HPS6: variants seen among roughly 807,000 people sequenced by gnomAD.
The protein encoded by HPS6 is HPS6 biogenesis of lysosomal organelles complex 2 subunit 3.
Under a neutral mutation model 53.6 loss-of-function variants are expected in HPS6, and 46 were observed. The ratio of observed to expected loss-of-function variants is 0.86; its 90% confidence interval spans 0.68 to 1.10. The LOEUF (loss-of-function observed/expected upper bound fraction) is 1.10. HPS6 is among the 50% of genes least tolerant of loss of function. The probability of loss-of-function intolerance (pLI) is 0.00; values close to 1 mark genes in which losing one functional copy is unlikely to be tolerated. For missense variants in HPS6, 1,034 were observed against 991.3 expected (o/e 1.04, Z -0.58); for synonymous variants, 535 against 470.8 (o/e 1.14, Z -1.77).
At position 102,065,981 on chromosome 10, in the gene HPS6, G is replaced by T; in HGVS notation, c.507G>T (p.Glu169Asp). The change falls in exon 1 of 1, where the codon GAG becomes GAT. Residue 169 changes from glutamate to aspartate, a missense_variant. Glu to Asp is a conservative substitution (Grantham distance 45). Coordinates refer to ENST00000299238, the MANE Select transcript of HPS6 (RefSeq NM_024747.6). ...FSHCVCVRTL[E>D]PSGEASTSLG... ...ACTGTGTGTGCGTCCGGACTCTGGA[G>T]CCCAGCGGGGAAGCTAGCACCAGCC... is the stretch of plus-strand genomic sequence containing the variant. The T allele has an allele frequency of 6.3e-7, 1 of 1,599,640 alleles. No individual in the cohort carries two copies. Among genetic ancestry groups the T allele is most frequent in the Non-Finnish European group, 8.5e-7 (1 of 1,179,628 alleles).
Position 102,067,380 on chromosome 10 carries a change from G to T in HPS6, c.1906G>T (p.Val636Leu). Reference sequence around the variant, plus strand: ...CTTGAGCAGTGGGCGGCCTAAAGCTGTGCTCCAAGCTGTCGGGCAGCTGGT... The same window carrying T: ...CTTGAGCAGTGGGCGGCCTAAAGCTTTGCTCCAAGCTGTCGGGCAGCTGGT... ...LLLSSGRPKA[V>L]LQAVGQLVQK... Residue 636 changes from valine to leucine, a missense_variant, in exon 1 of 1, where the codon GTG becomes TTG. By Grantham distance (32) the Val-to-Leu change is conservative. Coordinates refer to ENST00000299238, the MANE Select transcript of HPS6 (RefSeq NM_024747.6). 1 of 1,612,980 alleles carries T rather than the reference G, an allele frequency of 6.2e-7. No homozygotes were observed.
rs534368624 is a variant in HPS6, at chr10:102,067,142, A to C, written c.1668A>C (p.Glu556Asp). Reference protein sequence around the residue: ...KVLGGITAGKEPPNGILPPFE... With the variant: ...KVLGGITAGKDPPNGILPPFE... ...TAGGGGGAATAACCGCTGGAAAGGA[A>C]CCCCCCAATGGAATACTGCCCCCCT... Residue 556 changes from glutamate to aspartate, a missense_variant, in exon 1 of 1, where the codon GAA becomes GAC. Transcript: ENST00000299238. The C allele has an allele frequency of 8.1e-6, 13 of 1,613,470 alleles. No individual in the cohort carries two copies. The East Asian group carries it at 2.9e-4, about 36-fold the overall frequency.
At position 102,067,312 on chromosome 10, in the gene HPS6, G is replaced by A. The variant is rs1300747308; in HGVS notation, c.1838G>A (p.Gly613Asp). ...TATCGCCGAGCTCTGGCAGTGCTAGGTGAGGAGGGGACCAGGCCTGAGGCT... is the reference window on the plus strand; with the variant it reads ...TATCGCCGAGCTCTGGCAGTGCTAGATGAGGAGGGGACCAGGCCTGAGGCT... ...PLYRRALAVL[G>D]EEGTRPEALE... Residue 613 changes from glycine (G) to aspartate (D), a missense_variant, in exon 1 of 1, where the codon GGT becomes GAT. Physicochemically the swap from Gly to Asp is moderately conservative, Grantham distance 94. Coordinates refer to ENST00000299238, the MANE Select transcript of HPS6 (RefSeq NM_024747.6). 6.2e-7 allele frequency: 1 copy of A among 1,613,206 alleles called. No homozygotes were observed. The highest frequency in any genetic ancestry group is 8.5e-7 in the Non-Finnish European group (1 of 1,179,876).
At position 102,067,806 on chromosome 10, in the gene HPS6, C is replaced by CAGGCATCAGATG; in HGVS notation, c.*4_*5insAGGCATCAGATG. On this transcript the variant is annotated 3_prime_UTR_variant, in exon 1 of 1. Coordinates refer to ENST00000299238, the MANE Select transcript of HPS6 (RefSeq NM_024747.6). ...GACTCCACCTCGGGACCTATGACTACCCTTCAGGCATCAGAACACTCAGGG... is the reference window on the plus strand; with the variant it reads ...GACTCCACCTCGGGACCTATGACTACAGGCATCAGATGCCTTCAGGCATCAGAACACTCAGGG... 6.2e-7 allele frequency: 1 copy of CAGGCATCAGATG among 1,613,058 alleles called. No homozygotes were observed. Among genetic ancestry groups the CAGGCATCAGATG allele is most frequent in the East Asian group, 2.2e-5 (1 of 44,880 alleles).
Position 102,067,095 on chromosome 10 carries a change from C to G in HPS6, c.1621C>G (p.Pro541Ala), listed in dbSNP as rs2067977239. The G allele has an allele frequency of 2.5e-6, 4 of 1,614,176 alleles. No homozygotes were observed. The highest frequency in any genetic ancestry group is 2.5e-6 in the Non-Finnish European group (3 of 1,180,034). Residue 541 changes from proline (P) to alanine (A), a missense_variant, in exon 1 of 1, where the codon CCT (proline) becomes GCT (alanine). By Grantham distance (27) the Pro-to-Ala change is conservative (BLOSUM62 -1). Transcript: ENST00000299238. ...GNGKLRSQAP[P>A]DVWKKVLGGI... Reference sequence around the variant, plus strand: ...TGGCAAGCTGAGGTCCCAAGCACCCCCTGATGTGTGGAAGAAAGTGTTAGG... The same window carrying G: ...TGGCAAGCTGAGGTCCCAAGCACCCGCTGATGTGTGGAAGAAAGTGTTAGG...
Position 102,066,589 on chromosome 10 carries a change from G to T in HPS6, c.1115G>T (p.Arg372Leu), listed in dbSNP as rs1323195795. The T allele has an allele frequency of 6.2e-7, 1 of 1,614,004 alleles. No individual in the cohort carries two copies. Among genetic ancestry groups the T allele is most frequent in the Admixed American group, 1.7e-5 (1 of 60,010 alleles). ...GAGGATGAGGAAGAGCTGGAGACCCGAGGGAATCTTCGTCTGCTTTCAGCC... is the reference window on the plus strand; with the variant it reads ...GAGGATGAGGAAGAGCTGGAGACCCTAGGGAATCTTCGTCTGCTTTCAGCC... ...GMEDEEELET[R>L]GNLRLLSALG... The change falls in exon 1 of 1, where the codon CGA becomes CTA. Residue 372 changes from arginine to leucine, a missense_variant. Coordinates refer to ENST00000299238, the MANE Select transcript of HPS6 (RefSeq NM_024747.6).
In HPS6 at chr10:102,067,786, C is replaced by G. The variant is rs1280293957; in HGVS notation, c.2312C>G (p.Pro771Arg). ...LWDPSTPPPT[P>R]PRDL ...GACCCCAGCACTCCACCCCCGACTC[C>G]ACCTCGGGACCTATGACTACCCTTC... is the stretch of plus-strand genomic sequence containing the variant. Residue 771 changes from proline to arginine, a missense_variant, in exon 1 of 1, where the codon CCA (proline) becomes CGA (arginine). Pro to Arg is a moderately radical substitution (Grantham distance 103, BLOSUM62 -2). Coordinates refer to ENST00000299238, the MANE Select transcript of HPS6 (RefSeq NM_024747.6). 6.8e-6 allele frequency: 11 copies of G among 1,612,958 alleles called. No homozygotes were observed. Among genetic ancestry groups the G allele is most frequent in the Non-Finnish European group, 9.3e-6 (11 of 1,180,032 alleles).
chr10:102,067,053 C>G lies in HPS6; in HGVS notation c.1579C>G (p.Leu527Val), dbSNP rs1182778112. 2.5e-6 allele frequency: 4 copies of G among 1,614,204 alleles called. No homozygotes were observed. The South Asian group carries it at 4.4e-5, about 18-fold the overall frequency. Residue 527 changes from leucine to valine, a missense_variant, in exon 1 of 1, where the codon CTC becomes GTC. Transcript: ENST00000299238. ...GGGTGCCACCCTCAGGGCCCTGCAG[C>G]TCCAGCTAGATGGGAATGGCAAGCT... ...AWGATLRALQ[L>V]QLDGNGKLRS...
rs746271954 is a variant in HPS6 at position 102,065,566 on chromosome 10, CGGTCCGAGT to C, written c.93_101del (p.Val32_Val34del). 1 of 1,546,734 alleles carries C rather than the reference CGGTCCGAGT, an allele frequency of 6.5e-7. No individual in the cohort carries two copies. The highest frequency in any genetic ancestry group is 8.6e-7 in the Non-Finnish European group (1 of 1,158,318). ...CGGGAGCTGGTGGCCGGGGACTCAG[CGGTCCGAGT>C]CCGTGGCAGTCCGGACGGCCGCCAC... On this transcript the variant is annotated inframe_deletion, in exon 1 of 1. Transcript: ENST00000299238.
chr10:102,065,852 C>A lies in HPS6; in HGVS notation c.378C>A (p.Ala126=). 1 of 1,522,232 alleles carries A rather than the reference C, an allele frequency of 6.6e-7. No homozygotes were observed. The highest frequency in any genetic ancestry group is 1.4e-5 in the African/African-American group (1 of 72,802). The allele number at this position is 1,522,232 out of a possible 1,614,324, so 94.3% of individuals were successfully genotyped here. The change falls in exon 1 of 1, where the codon GCC becomes GCA. Residue 126 remains alanine (A), a synonymous_variant. Coordinates refer to ENST00000299238, the MANE Select transcript of HPS6 (RefSeq NM_024747.6). The part of the protein sequence containing the change: ...QSTELCPGGG[A]RVVAVAALRG... Reference sequence around the variant, plus strand: ...CCGAGCTGTGTCCGGGCGGGGGAGCCCGCGTTGTGGCAGTGGCGGCGCTCC... The same window carrying A: ...CCGAGCTGTGTCCGGGCGGGGGAGCACGCGTTGTGGCAGTGGCGGCGCTCC...
chr10:102,066,489 A>AT lies in HPS6; in HGVS notation c.1015_1016insT (p.Ser339MetfsTer28). The AT allele has an allele frequency of 6.2e-7, 1 of 1,614,180 alleles. No homozygotes were observed. Among genetic ancestry groups the AT allele is most frequent in the Non-Finnish European group, 8.5e-7 (1 of 1,180,020 alleles). ...CACATTGGAACTGCTGGACATGGGC[A>AT]GTGGGCAGCTGCTGGAGAGGAAGGT... On this transcript the variant is annotated frameshift_variant, in exon 1 of 1. Transcript: ENST00000299238. LOFTEE classifies it high-confidence loss of function.
Position 102,067,024 on chromosome 10 carries a change from C to T in HPS6, c.1550C>T (p.Ala517Val). The change falls in exon 1 of 1, where the codon GCC (alanine) becomes GTC (valine). Residue 517 changes from alanine to valine, a missense_variant. Physicochemically the swap from Ala to Val is moderately conservative, Grantham distance 64. Transcript: ENST00000299238. ...GTTTTCCAAGCCCTTCCTACAGCAG[C>T]CTGGGGTGCCACCCTCAGGGCCCTG... ...NTVFQALPTA[A>V]WGATLRALQL... 1.2e-6 allele frequency: 2 copies of T among 1,614,182 alleles called. No homozygotes were observed. Among genetic ancestry groups the T allele is most frequent in the South Asian group, 2.2e-5 (2 of 91,086 alleles).
chr10:102,067,646 G>T lies in HPS6; in HGVS notation c.2172G>T (p.Glu724Asp). ...DEVGPPTPFP[E>D]PGAEPPLTVG... ...TGGGGCCCCCAACCCCATTCCCTGAGCCTGGAGCAGAGCCCCCTCTCACTG... is the reference window on the plus strand; with the variant it reads ...TGGGGCCCCCAACCCCATTCCCTGATCCTGGAGCAGAGCCCCCTCTCACTG... Residue 724 changes from glutamate (E) to aspartate (D), a missense_variant, in exon 1 of 1, where the codon GAG (glutamate) becomes GAT (aspartate). Glu to Asp is a conservative substitution (Grantham distance 45). Transcript: ENST00000299238. 1 of 1,613,918 alleles carries T rather than the reference G, an allele frequency of 6.2e-7. No homozygotes were observed. Among genetic ancestry groups the T allele is most frequent in the Admixed American group, 1.7e-5 (1 of 60,018 alleles).
chr10:102,066,014 C>T lies in HPS6; in HGVS notation c.540C>T (p.Arg180=), dbSNP rs149575853. 28 of 1,604,912 alleles carry T rather than the reference C, an allele frequency of 1.7e-5. No individual in the cohort carries two copies. The African/African-American group carries it at 3.1e-4, about 18-fold the overall frequency. Residue 180 remains arginine (R), a synonymous_variant, in exon 1 of 1, where the codon CGC becomes CGT. Coordinates refer to ENST00000299238, the MANE Select transcript of HPS6 (RefSeq NM_024747.6). ...PSGEASTSLG[R]THVLLHHCPA... ...GGGAAGCTAGCACCAGCCTGGGCCG[C>T]ACACACGTCCTGCTGCACCACTGCC...
Position 102,065,649 on chromosome 10 carries a change from G to A in HPS6, c.175G>A (p.Ala59Thr), listed in dbSNP as rs1447660019. The change falls in exon 1 of 1, where the codon GCG becomes ACG. Residue 59 changes from alanine to threonine, a missense_variant. By Grantham distance (58) the Ala-to-Thr change is moderately conservative. Coordinates refer to ENST00000299238, the MANE Select transcript of HPS6 (RefSeq NM_024747.6). ...PGAVAPQLLV[A>T]SRGPGAELER... ...GGCGGTAGCCCCACAGCTGCTAGTCGCGTCGCGAGGGCCCGGCGCGGAGCT... is the reference window on the plus strand; with the variant it reads ...GGCGGTAGCCCCACAGCTGCTAGTCACGTCGCGAGGGCCCGGCGCGGAGCT... 1.9e-6 allele frequency: 3 copies of A among 1,539,904 alleles called. No homozygotes were observed. The highest frequency in any genetic ancestry group is 2.5e-5 in the East Asian group (1 of 39,738).
Position 102,066,741 on chromosome 10 carries a change from C to T in HPS6, c.1267C>T (p.Pro423Ser). 4.3e-6 allele frequency: 7 copies of T among 1,614,054 alleles called. No homozygotes were observed. Among genetic ancestry groups the T allele is most frequent in the Non-Finnish European group, 5.9e-6 (7 of 1,180,034 alleles). Residue 423 changes from proline (P) to serine (S), a missense_variant, in exon 1 of 1, where the codon CCA becomes TCA. Transcript: ENST00000299238. Reference protein sequence around the residue: ...RRSLRGAQLTPEELRHSSTFR... With the variant: ...RRSLRGAQLTSEELRHSSTFR... ...GAGCCTGCGGGGTGCCCAGCTCACT[C>T]CAGAAGAACTGAGACACAGCAGCAC...
In HPS6 at chr10:102,066,337, C is replaced by T; in HGVS notation, c.863C>T (p.Thr288Ile). ...QGLLLLDFGG[T>I]VSLLQSHGGT... ...CTGCTGTTGCTTGACTTCGGGGGCA[C>T]TGTGAGCCTATTGCAGTCCCACGGT... The change falls in exon 1 of 1, where the codon ACT (threonine) becomes ATT (isoleucine). Residue 288 changes from threonine to isoleucine, a missense_variant. Physicochemically the swap from Thr to Ile is moderately conservative, Grantham distance 89. Transcript: ENST00000299238. 2 of 1,614,030 alleles carry T rather than the reference C, an allele frequency of 1.2e-6. No homozygotes were observed. The highest frequency in any genetic ancestry group is 1.7e-6 in the Non-Finnish European group (2 of 1,179,992).
rs2067973152 is a variant in HPS6, at chr10:102,066,711, C to T, written c.1237C>T (p.Arg413Trp). Residue 413 changes from arginine to tryptophan, a missense_variant, in exon 1 of 1, where the codon CGG (arginine) becomes TGG (tryptophan). Physicochemically the swap from Arg to Trp is moderately radical, Grantham distance 101. Transcript: ENST00000299238. ...TGAGGAGGCCTGCGGGTACTACCAG[C>T]GGCGGAGCCTGCGGGGTGCCCAGCT... is the stretch of plus-strand genomic sequence containing the variant. ...VFEEACGYYQ[R>W]RSLRGAQLTP... is the part of the protein sequence containing the mutation. 6 of 1,613,770 alleles carry T rather than the reference C, an allele frequency of 3.7e-6. No homozygotes were observed. The highest frequency in any genetic ancestry group is 1.3e-5 in the African/African-American group (1 of 74,930).
Position 102,067,734 on chromosome 10 carries a change from C to G in HPS6, c.2260C>G (p.Leu754Val), listed in dbSNP as rs202188533. 2.9e-4 allele frequency: 463 copies of G among 1,613,350 alleles called. No homozygotes were observed. The highest frequency in any genetic ancestry group is 3.4e-4 in the Non-Finnish European group (403 of 1,180,042). ...GAQGWLSGPV[L>V]SPYEDILWDP... ...TCAAGGATGGCTGTCGGGCCCAGTT[C>G]TAAGCCCATATGAGGACATCCTATG... is the stretch of plus-strand genomic sequence containing the variant. Residue 754 changes from leucine (L) to valine (V), a missense_variant, in exon 1 of 1, where the codon CTA becomes GTA. Coordinates refer to ENST00000299238, the MANE Select transcript of HPS6 (RefSeq NM_024747.6).
Sources: gnomAD v4.1 joint callset for allele counts on GRCh38, gnomAD v4.1.1 for gene constraint, MANE v1.5 for transcripts, NCBI Gene and HGNC (gene_info 2026-07-23, HGNC 2026-07-21) for gene names.